Variants in ZNF423 observed in about 807,000 individuals in gnomAD.
ZNF423 encodes the protein zinc finger protein 423, also known as Ebf-associated zinc finger protein.
In ZNF423, 12 loss-of-function variants were observed where a neutral mutation model predicts 95.8. The observed-to-expected ratio is 0.13, with a 90% CI of 0.08 to 0.20. The LOEUF (loss-of-function observed/expected upper bound fraction) is 0.20. ZNF423 is among the 10% of genes least tolerant of loss of function. The pLI, the probability that ZNF423 is intolerant of heterozygous loss-of-function variation, is 1.00. For synonymous variants in ZNF423, 749 were observed against 711.9 expected (o/e 1.05, Z -0.83); for missense variants, 1,316 against 1,737.1 (o/e 0.76, Z 4.31).
intron 1 of ZNF423, among the ~76,000 whole-genome samples, chr16:49,841,833 G>A (rs904875554): frequency 1.3e-5 from 2 of 152,162 alleles, no homozygotes; most frequent in African/African-American, 4.8e-5. Context: ...GGATTTACAT[G>A]GAAGGATGGA....
chr16:49,645,367 G>A (rs1973133189), intron 3 of ZNF423, among the ~76,000 whole-genome samples: 1 of 152,206 alleles, frequency 6.6e-6, no homozygotes, highest in African/African-American at 2.4e-5. Flanking sequence ...CAGCTAATTG[G>A]TAGTGGTTGC....
At chr16:49,664,773 C>T (rs1049617880) in intron 3 of ZNF423, among the ~76,000 whole-genome samples, 3 of 152,204 alleles carry the variant, frequency 2.0e-5, no homozygotes, top group Non-Finnish European at 4.4e-5. Flanking sequence ...GGGAAAACCC[C>T]GCTGCTCACC....
intron 1 of ZNF423, among the ~76,000 whole-genome samples, chr16:49,826,142 G>A (rs1402058332): frequency 6.6e-6 from 1 of 152,180 alleles, no homozygotes; most frequent in Non-Finnish European, 1.5e-5. Flanking sequence ...AGCCCGGGAG[G>A]TCGAGGCTTC....
At position 49,571,620 on chromosome 16, in the gene ZNF423, A is replaced by C. The variant is rs2151787493; in HGVS notation, c.3602-46126T>G. Among the ~76,000 whole-genome samples, 3 of 152,280 alleles carry C rather than the reference A, an allele frequency of 2.0e-5. No individual in the cohort carries two copies. In the South Asian group the frequency reaches 6.2e-4, roughly 32 times the overall value. On this transcript the variant is annotated intron_variant, in intron 5 of 7. Coordinates refer to ENST00000563137, the MANE Select transcript of ZNF423 (RefSeq NM_001379286.1). The stretch of plus-strand genomic sequence containing the variant: ...TCTCTACCTAAGGACAATGGGAGCG[A>C]CTGAAGGCTCCAGACAGGGAGACAC...
At chr16:49,722,892 T>C (rs890463577) in intron 3 of ZNF423, among the ~76,000 whole-genome samples, 4 of 152,226 alleles carry the variant, frequency 2.6e-5, no homozygotes, top group Non-Finnish European at 5.9e-5. Flanking sequence ...TTCTGGTATT[T>C]TTAAAATGGT....
At chr16:49,619,549 G>A (rs948151554) in intron 5 of ZNF423, among the ~76,000 whole-genome samples, 1 of 151,982 alleles carries the variant, frequency 6.6e-6, no homozygotes, top group Non-Finnish European at 1.5e-5. Context: ...CTGTTGAGGG[G>A]GAAGTGACTA....
At chr16:49,500,674 G>A (rs939746618) in intron 7 of ZNF423, among the ~76,000 whole-genome samples, 1 of 152,036 alleles carries the variant, frequency 6.6e-6, no homozygotes, top group African/African-American at 2.4e-5. Flanking sequence ...CCAGCACTTT[G>A]GAGGCTGAAG....
intron 3 of ZNF423, among the ~76,000 whole-genome samples, chr16:49,645,290 C>T (rs1159846879): frequency 1.3e-5 from 2 of 152,174 alleles, no homozygotes; most frequent in African/African-American, 4.8e-5. Flanking sequence ...CAGGAACCAA[C>T]TACCCAATCC....
chr16:49,707,953 G>C (rs905162159), intron 3 of ZNF423: 5 of 154,134 alleles, frequency 3.2e-5, no homozygotes, highest in African/African-American at 1.2e-4. Flanking sequence ...AGGCGGGCTG[G>C]GACTGAGCTC....
rs1163669292 is a variant in ZNF423, at chr16:49,854,588, TC to T, written c.40+1146del. 5.1e-6 allele frequency: 5 copies of T among 985,068 alleles called. No homozygotes were observed. In the African/African-American group the frequency reaches 7.0e-5, roughly 14 times the overall value. The allele number at this position is 985,068 out of a possible 1,614,324, so 61.0% of individuals were successfully genotyped here. ...CCGTAGACTTAGCCGCTCTCATCGT[TC>T]CCCCCTTCCTCGATCATCTCCCATC... is the stretch of plus-strand genomic sequence containing the variant. On this transcript the variant is annotated intron_variant, in intron 1 of 7. Coordinates refer to ENST00000563137, the MANE Select transcript of ZNF423 (RefSeq NM_001379286.1).
chr16:49,794,189 C>G (rs935735564), intron 1 of ZNF423, among the ~76,000 whole-genome samples: 1 of 152,006 alleles, frequency 6.6e-6, no homozygotes, highest in Admixed American at 6.6e-5. Flanking sequence ...GCACATGCCA[C>G]CACGCCCGGT....
In ZNF423 at chr16:49,700,214, A is replaced by AG. The variant is rs2032128532; in HGVS notation, c.301+30556_301+30557insC. 2.6e-4 allele frequency among the ~76,000 whole-genome samples: 37 copies of AG among 144,250 alleles called. 1 individual carries two copies. Among genetic ancestry groups the AG allele is most frequent in the South Asian group, 6.6e-4 (3 of 4,536 alleles). The allele number at this position is 144,250 out of a possible 152,430, so 94.6% of individuals were successfully genotyped here. ...GGATTTCAAAAAAAAAAAAAAAAAA[A>AG]AAACAAGAAGAAGAAGAAGAAAAAA... On this transcript the variant is annotated intron_variant, in intron 3 of 7. Transcript: ENST00000563137.
intron 3 of ZNF423, among the ~76,000 whole-genome samples, chr16:49,689,001 C>G (rs1428018064): frequency 6.6e-6 from 1 of 152,196 alleles, no homozygotes; most frequent in Non-Finnish European, 1.5e-5. Flanking sequence ...GACAGCATAC[C>G]AGGCACCTCA....
intron 5 of ZNF423, among the ~76,000 whole-genome samples, chr16:49,584,542 G>A (rs771886169): frequency 9.2e-5 from 14 of 152,150 alleles, no homozygotes; most frequent in Non-Finnish European, 1.6e-4. Context: ...AAGACTAGGT[G>A]ACCTAAGCAA....
At chr16:49,672,774 C>T (rs1050930285) in intron 3 of ZNF423, among the ~76,000 whole-genome samples, 18 of 152,112 alleles carry the variant, frequency 1.2e-4, no homozygotes, top group Admixed American at 9.2e-4. Flanking sequence ...GCCGAGATCG[C>T]GTCATTACAC....
intron 2 of ZNF423, among the ~76,000 whole-genome samples, chr16:49,779,162 T>A (rs2034169133): frequency 6.6e-6 from 1 of 152,028 alleles, no homozygotes; most frequent in Admixed American, 6.5e-5. Flanking sequence ...AAGCCAGGGC[T>A]GGGCTGTGGA....
chr16:49,582,545 C>T (rs908944621), intron 5 of ZNF423, among the ~76,000 whole-genome samples: 7 of 152,144 alleles, frequency 4.6e-5, no homozygotes, highest in South Asian at 2.1e-4. Flanking sequence ...AACCTAAAAG[C>T]GAAGGAAGCA....
intron 2 of ZNF423, among the ~76,000 whole-genome samples, chr16:49,752,262 C>A (rs763379785): frequency 7.9e-5 from 12 of 152,242 alleles, no homozygotes; most frequent in Admixed American, 4.6e-4. Flanking sequence ...GAACTGCACA[C>A]CGGAATTGGG....
At position 49,635,826 on chromosome 16, in the gene ZNF423, G is replaced by A. The variant is rs775736157; in HGVS notation, c.3350C>T (p.Pro1117Leu). 2.5e-5 allele frequency: 40 copies of A among 1,607,522 alleles called. 1 individual carries two copies. Among genetic ancestry groups the A allele is most frequent in the Admixed American group, 1.4e-4 (8 of 58,980 alleles). The part of the protein sequence containing the change: ...SANGQVGGLA[P>L]PEPADRPCAG... ...ACAGGGCCGGTCGGCGGGCTCGGGCGGGGCCAGGCCACCCACCTGTCCGTT... is the reference window on the plus strand; with the variant it reads ...ACAGGGCCGGTCGGCGGGCTCGGGCAGGGCCAGGCCACCCACCTGTCCGTT... Residue 1117 changes from proline (P) to leucine (L), a missense_variant, in exon 4 of 8, where the codon CCG (proline) becomes CTG (leucine). Pro to Leu is a moderately conservative substitution (Grantham distance 98, BLOSUM62 -3). Coordinates refer to ENST00000563137, the MANE Select transcript of ZNF423 (RefSeq NM_001379286.1). The surrounding 1 kb of genome is among the most constrained non-coding windows in gnomAD (Gnocchi z 4.8).
Sources: allele counts gnomAD v4.1 joint callset (sites outside exome capture counted in the v4.1 genomes callset), GRCh38; gene constraint gnomAD v4.1.1; non-coding constraint Gnocchi (gnomAD v3.1); transcripts MANE v1.5; gene names NCBI Gene and HGNC (gene_info 2026-07-23, HGNC 2026-07-21).